The following DNAI4 variants were observed in gnomAD, a reference collection of about 807,000 sequenced individuals.
The protein encoded by DNAI4 is WD repeat domain 78.
Under a neutral mutation model 105.8 loss-of-function variants are expected in DNAI4, and 85 were observed. That is an observed-to-expected ratio of 0.80 (90% CI 0.67 to 0.96). DNAI4 has a LOEUF of 0.96. DNAI4 is among the 40% of genes least tolerant of loss of function. DNAI4 has a pLI of 0.00. For missense variants in DNAI4, 1,014 were observed against 1,005.6 expected (o/e 1.01, Z -0.11); for synonymous variants, 352 against 331.5 (o/e 1.06, Z -0.67).
At chr1:66,892,884 G>T (rs1415317606) in intron 3 of DNAI4, among the ~76,000 whole-genome samples, 2 of 150,148 alleles carry the variant, frequency 1.3e-5, no homozygotes, top group Non-Finnish European at 3.0e-5. Context: ...CTCCAGCCTG[G>T]GCAACAGGAG....
At chr1:66,866,317 G>GA (rs908002545) in intron 6 of DNAI4, among the ~76,000 whole-genome samples, 25 of 144,052 alleles carry the variant, frequency 1.7e-4, no homozygotes, top group South Asian at 2.2e-4. Flanking sequence ...AAAAAAAAAA[G>GA]AAAAAAAAAA....
Position 66,893,339 on chromosome 1 carries a change from T to TTTTG in DNAI4, c.416_419dup (p.Lys140AsnfsTer5), listed in dbSNP as rs1648024248. 6.2e-7 allele frequency: 1 copy of TTTTG among 1,610,072 alleles called. No homozygotes were observed. Among genetic ancestry groups the TTTTG allele is most frequent in the Non-Finnish European group, 8.5e-7 (1 of 1,178,016 alleles). ...CTTGTGATGTCAAGAGTTTACTTGG[T>TTTTG]TTTGCTGTACCAGTAAGTGGATCTG... On this transcript the variant is annotated frameshift_variant, in exon 3 of 17. Coordinates refer to ENST00000371026, the MANE Select transcript of DNAI4 (RefSeq NM_024763.5). LOFTEE classifies it high-confidence loss of function.
At chr1:66,846,839 T>C (rs1236523152) in intron 8 of DNAI4, among the ~76,000 whole-genome samples, 1 of 152,216 alleles carries the variant, frequency 6.6e-6, no homozygotes, top group Non-Finnish European at 1.5e-5. Flanking sequence ...CATTCATGTA[T>C]TTTTTAATAC....
At chr1:66,850,985 G>A (rs550090577) in intron 7 of DNAI4, among the ~76,000 whole-genome samples, 16 of 151,828 alleles carry the variant, frequency 1.1e-4, no homozygotes, top group African/African-American at 3.6e-4. Flanking sequence ...AGACTTAAGG[G>A]CTAACATGCG....
chr1:66,920,119 A>AT (rs947701347), intron 1 of DNAI4, among the ~76,000 whole-genome samples: 1 of 152,176 alleles, frequency 6.6e-6, no homozygotes, highest in Non-Finnish European at 1.5e-5. Context: ...TCCTGCACCC[A>AT]TAAAAACCCC....
At chr1:66,924,602 TAGA>T in intron 1 of DNAI4, 57 bp downstream of exon 1, 1 of 1,612,340 alleles carries the variant, frequency 6.2e-7, no homozygotes, top group Non-Finnish European at 8.5e-7. Flanking sequence ...TATCTATTAA[TAGA>T]AGGGCTCCCT....
chr1:66,912,156 G>T (rs1489302427), intron 1 of DNAI4, among the ~76,000 whole-genome samples: 4 of 152,176 alleles, frequency 2.6e-5, no homozygotes, highest in Non-Finnish European at 5.9e-5. Flanking sequence ...TGCATTTTCT[G>T]ATTGCCTCCT....
Position 66,834,158 on chromosome 1 carries a change from TA to T in DNAI4, c.1734-11del, listed in dbSNP as rs762156706. 58 of 1,581,148 alleles carry T rather than the reference TA, an allele frequency of 3.7e-5. No individual in the cohort carries two copies. The highest frequency in any genetic ancestry group is 2.8e-4 in the Admixed American group (15 of 53,204). ...TTTTTGAGGTGATTCACTAAAACAG[TA>T]AAAAAAATACTAAACATATAATCAT... On this transcript the variant is annotated splice_polypyrimidine_tract_variant and intron_variant, in intron 11 of 16. Transcript: ENST00000371026.
chr1:66,924,793 G>C lies in DNAI4; in HGVS notation c.39C>G (p.Ala13=), dbSNP rs768342827. The C allele has an allele frequency of 2.5e-6, 4 of 1,614,168 alleles. No individual in the cohort carries two copies. The highest frequency in any genetic ancestry group is 3.4e-6 in the Non-Finnish European group (4 of 1,180,028). Reference sequence around the variant, plus strand: ...TGTACCCCCAAGCTCCTCCGTTAGCGGCTCGGGCCGAGGCTCCGGAATGTT... The same window carrying C: ...TGTACCCCCAAGCTCCTCCGTTAGCCGCTCGGGCCGAGGCTCCGGAATGTT... ...PGKHSGASAR[A]ANGGAWGYRD... is the part of the protein sequence containing the mutation. The change falls in exon 1 of 17, where the codon GCC becomes GCG. Residue 13 remains alanine (A), a synonymous_variant. Transcript: ENST00000371026.
intron 4 of DNAI4, among the ~76,000 whole-genome samples, chr1:66,879,225 G>A (rs568574037): frequency 5.1e-4 from 78 of 152,146 alleles, no homozygotes; most frequent in Middle Eastern, 6.8e-3. Flanking sequence ...CCATTGATTT[G>A]TTTTCTGTTT....
chr1:66,861,927 A>T (rs1312621377), intron 7 of DNAI4, among the ~76,000 whole-genome samples: 2 of 152,210 alleles, frequency 1.3e-5, no homozygotes, highest in African/African-American at 4.8e-5. Flanking sequence ...GGTGCACTAG[A>T]GAAAGAGACA....
chr1:66,828,255 A>G (rs1645795631), intron 13 of DNAI4: 1 of 156,448 alleles, frequency 6.4e-6, no homozygotes, highest in South Asian at 2.0e-4. Flanking sequence ...GTCCAGGGAA[A>G]TAGTAAGTGC....
chr1:66,815,180 A>G (rs1009046488), intron 16 of DNAI4, among the ~76,000 whole-genome samples: 1 of 152,190 alleles, frequency 6.6e-6, no homozygotes, highest in African/African-American at 2.4e-5. Flanking sequence ...ATCAATTCTA[A>G]CCTTAATATG....
chr1:66,892,999 G>GAAAGAAAGAAAGAA (rs747069069), intron 3 of DNAI4, among the ~76,000 whole-genome samples: 59 of 70,206 alleles, frequency 8.4e-4, no homozygotes, highest in African/African-American at 3.5e-3. Flanking sequence ...GAAAGAAAGA[G>GAAAGAAAGAAAGAA]AGAAAGAGAG....
chr1:66,891,374 T>G (rs1647630720), intron 3 of DNAI4, 108 bp from the exon 4 acceptor site: 1 of 692,692 alleles, frequency 1.4e-6, no homozygotes, highest in Non-Finnish European at 2.4e-6. Flanking sequence ...TATACTATGA[T>G]CATATAAGCA....
chr1:66,887,225 T>G (rs140261698), intron 4 of DNAI4, among the ~76,000 whole-genome samples: 1 of 152,240 alleles, frequency 6.6e-6, no homozygotes, highest in Non-Finnish European at 1.5e-5. Context: ...TAATCATTCA[T>G]GTGTTCCTCC....
intron 7 of DNAI4, among the ~76,000 whole-genome samples, chr1:66,852,589 C>T (rs1646419330): frequency 6.6e-6 from 1 of 151,442 alleles, no homozygotes; most frequent in African/African-American, 2.4e-5. Context: ...CAAAGTAATC[C>T]ATACGTTTAG....
At chr1:66,864,160 TTTAA>T (rs1646684005) in intron 6 of DNAI4, among the ~76,000 whole-genome samples, 1 of 152,230 alleles carries the variant, frequency 6.6e-6, no homozygotes, top group South Asian at 2.1e-4. Context: ...TTTGAACAAG[TTTAA>T]TTAACCTAAG....
chr1:66,857,558 G>C (rs1045443318), intron 7 of DNAI4, among the ~76,000 whole-genome samples: 3 of 146,328 alleles, frequency 2.1e-5, no homozygotes, highest in African/African-American at 7.6e-5. Flanking sequence ...TTTTGAGATA[G>C]AGTTTCACTC....
Sources: allele counts gnomAD v4.1 joint callset (sites outside exome capture counted in the v4.1 genomes callset), GRCh38; gene constraint gnomAD v4.1.1; transcripts MANE v1.5; gene names NCBI Gene and HGNC (gene_info 2026-07-23, HGNC 2026-07-21).